The following HTR3B variants were observed in gnomAD, a reference collection of about 807,000 sequenced individuals.
HTR3B encodes 5-hydroxytryptamine (serotonin) receptor 3B, ionotropic.
Under a neutral mutation model 42.8 loss-of-function variants are expected in HTR3B, and 44 were observed. The observed-to-expected ratio is 1.03, with a 90% CI of 0.81 to 1.32. The LOEUF (loss-of-function observed/expected upper bound fraction) is 1.32, where lower values mean the gene tolerates loss of function less well. Ranked by LOEUF, HTR3B falls within the 40% of genes most tolerant of loss-of-function variation. The pLI is 0.00. For synonymous variants in HTR3B, 203 were observed against 209.0 expected, an observed-to-expected ratio of 0.97 and a Z score of 0.25; for missense variants, 527 against 536.5, an observed-to-expected ratio of 0.98 and a Z score of 0.17.
chr11:113,911,370 A>G (rs1949791533), intron 2 of HTR3B, among the ~76,000 whole-genome samples: 1 of 151,668 alleles, frequency 6.6e-6, no homozygotes, highest in South Asian at 2.1e-4. Context: ...AGCTGGGATT[A>G]CAGGCATGCG....
chr11:113,916,037 G>A (rs747766740), intron 2 of HTR3B, among the ~76,000 whole-genome samples: 16 of 152,120 alleles, frequency 1.1e-4, no homozygotes, highest in South Asian at 8.3e-4. Flanking sequence ...TGGTTTCGCC[G>A]TGTTGGCCAG....
chr11:113,912,680 T>C (rs891648785), intron 2 of HTR3B, among the ~76,000 whole-genome samples: 4 of 152,230 alleles, frequency 2.6e-5, no homozygotes, highest in African/African-American at 9.6e-5. Flanking sequence ...TGAGAGTTCC[T>C]ATTGCTACAC....
intron 2 of HTR3B, among the ~76,000 whole-genome samples, chr11:113,910,300 A>G (rs1341168982): frequency 6.6e-6 from 1 of 152,210 alleles, no homozygotes; most frequent in Non-Finnish European, 1.5e-5. Context: ...TGAAACGAAC[A>G]CTGTGAAGTA....
At chr11:113,940,294 G>C (rs45582140) in intron 6 of HTR3B, among the ~76,000 whole-genome samples, 1,641 of 152,246 alleles carry the variant, frequency 0.011, 9 homozygotes, top group Non-Finnish European at 0.018. Flanking sequence ...AGTCTCTAGG[G>C]AGTGTTCCCA....
Position 113,909,303 on chromosome 11 carries a change from G to A in HTR3B, c.61G>A (p.Ala21Thr). Residue 21 changes from alanine to threonine, a missense_variant, in exon 2 of 9, where the codon GCC becomes ACC. Ala to Thr is a moderately conservative substitution (Grantham distance 58). Transcript: ENST00000260191. ...GATAGTTTATTTTCCAGGAATTCTA[G>A]CCACAGATACACATCATCCCCAGGA... ...ACILVAAGIL[A>T]TDTHHPQDSA... 1 of 1,612,172 alleles carries A rather than the reference G, an allele frequency of 6.2e-7. No individual in the cohort carries two copies.
chr11:113,909,999 A>C (rs1251512214), intron 2 of HTR3B, among the ~76,000 whole-genome samples: 5 of 151,580 alleles, frequency 3.3e-5, no homozygotes, highest in Admixed American at 6.6e-5. Flanking sequence ...AAAAAAAAAA[A>C]AAAAAAAAAA....
chr11:113,932,459 G>T lies in HTR3B; in HGVS notation c.538+1G>T, dbSNP rs1268443887. 1.2e-6 allele frequency: 2 copies of T among 1,612,246 alleles called. No homozygotes were observed. Among genetic ancestry groups the T allele is most frequent in the Non-Finnish European group, 1.7e-6 (2 of 1,178,594 alleles). ...ACCTTCAAGAGCATTCTGCATACAG[G>T]TAAACCATGAGAGATACCCATTAAT... On this transcript the variant is annotated splice_donor_variant, in intron 5 of 8. Coordinates refer to ENST00000260191, the MANE Select transcript of HTR3B (RefSeq NM_006028.5). LOFTEE classifies it high-confidence loss of function.
At chr11:113,944,436 G>A in intron 7 of HTR3B, 137 bp from the exon 8 acceptor site, 5 of 740,116 alleles carry the variant, frequency 6.8e-6, no homozygotes, top group Non-Finnish European at 1.1e-5. Context: ...AATACGTTAA[G>A]GCTACAGTGA....
rs1016405960 is a variant in HTR3B, at chr11:113,946,380, A to G, written c.*243A>G. ...AATAAATAAATAAATAAATAAATAA[A>G]TAGCTGGGCATAGTGGCTCATGCCT... On this transcript the variant is annotated 3_prime_UTR_variant, in exon 9 of 9. Transcript: ENST00000260191. The G allele has an allele frequency of 8.5e-6, 2 of 235,440 alleles. No homozygotes were observed. The highest frequency in any genetic ancestry group is 8.4e-6 in the Non-Finnish European group (1 of 119,430). The allele number at this position is 235,440 out of a possible 1,614,324, so 14.6% of individuals were successfully genotyped here.
At chr11:113,931,262 T>G in intron 2 of HTR3B, 122 bp from the exon 3 acceptor site, 1 of 727,020 alleles carries the variant, frequency 1.4e-6, no homozygotes, top group Non-Finnish European at 2.4e-6. Flanking sequence ...TAGGTAATGT[T>G]TTTAATATCA....
At chr11:113,908,975 T>A (rs1358512256) in intron 1 of HTR3B, 3 of 455,184 alleles carry the variant, frequency 6.6e-6, no homozygotes, top group Non-Finnish European at 1.1e-5. Context: ...TAGGAGAGGA[T>A]GATACAGGAA....
At chr11:113,901,746 A>G (rs1472985441), upstream of HTR3B, among the ~76,000 whole-genome samples, 1 of 152,232 alleles carries the variant, frequency 6.6e-6, no homozygotes, top group African/African-American at 2.4e-5. Flanking sequence ...GCCTTCCAGT[A>G]ACAGATGGGC....
chr11:113,909,149 C>A, intron 1 of HTR3B, 146 bp from the exon 2 acceptor site: 1 of 672,024 alleles, frequency 1.5e-6, no homozygotes. Context: ...CCAAAGGCCC[C>A]ACCAGCTGGC....
intron 6 of HTR3B, among the ~76,000 whole-genome samples, chr11:113,935,749 A>G (rs767866076): frequency 2.6e-5 from 4 of 152,178 alleles, no homozygotes; most frequent in Non-Finnish European, 5.9e-5. Flanking sequence ...GGGTCCTGAC[A>G]GCAAAGGACC....
chr11:113,947,845 G>A lies in HTR3B; in HGVS notation c.*1708G>A, dbSNP rs1031744082. Among the ~76,000 whole-genome samples, 3 of 152,162 alleles carry A rather than the reference G, an allele frequency of 2.0e-5. No individual in the cohort carries two copies. Among genetic ancestry groups the A allele is most frequent in the Non-Finnish European group, 2.9e-5 (2 of 68,024 alleles). On this transcript the variant is annotated 3_prime_UTR_variant, in exon 9 of 9. Transcript: ENST00000260191. ...TGATTCCGGAGGTTTAGCAAGTCCAGATTCTGCAGAGTAGGCTGGCAGGCT... is the reference window on the plus strand; with the variant it reads ...TGATTCCGGAGGTTTAGCAAGTCCAAATTCTGCAGAGTAGGCTGGCAGGCT...
intron 8 of HTR3B, 56 bp from the exon 9 acceptor site, chr11:113,945,846 C>A: frequency 1.6e-6 from 2 of 1,230,232 alleles, no homozygotes; most frequent in Non-Finnish European, 2.4e-6. Context: ...AAGAGAAAGT[C>A]CAGGTGGGTC....
chr11:113,901,755 G>A (rs988396046), upstream of HTR3B, among the ~76,000 whole-genome samples: 5 of 152,126 alleles, frequency 3.3e-5, no homozygotes, highest in Admixed American at 1.3e-4. Flanking sequence ...TAACAGATGG[G>A]CATATCAGAA....
intron 2 of HTR3B, among the ~76,000 whole-genome samples, chr11:113,915,053 C>T (rs138817024): frequency 6.6e-6 from 1 of 152,118 alleles, no homozygotes; most frequent in African/African-American, 2.4e-5. Context: ...ATTTTCATGC[C>T]CATAAGATCT....
At chr11:113,933,431 C>T (rs1950057730) in intron 6 of HTR3B, among the ~76,000 whole-genome samples, 1 of 152,114 alleles carries the variant, frequency 6.6e-6, no homozygotes, top group Non-Finnish European at 1.5e-5. Flanking sequence ...ACAGACAAAC[C>T]CACACACAAC....
Sources: gnomAD v4.1 joint callset for allele counts (sites outside exome capture counted in the v4.1 genomes callset) on GRCh38, gnomAD v4.1.1 for gene constraint, MANE v1.5 for transcripts, NCBI Gene and HGNC (gene_info 2026-07-23, HGNC 2026-07-21) for gene names.